Variants in DTNA observed in about 807,000 individuals in gnomAD.
DTNA encodes dystrobrevin alpha.
Under a neutral mutation model 100.7 loss-of-function variants are expected in DTNA, and 43 were observed. That is an observed-to-expected ratio of 0.43 (90% CI 0.33 to 0.55). The LOEUF (loss-of-function observed/expected upper bound fraction) is 0.55. Among genes scored for constraint, DTNA ranks in the 20% least tolerant of loss-of-function variants. The probability of loss-of-function intolerance (pLI) is 0.04; values close to 1 mark genes in which losing one functional copy is unlikely to be tolerated. For missense variants in DTNA, 798 were observed against 953.9 expected, an observed-to-expected ratio of 0.84 and a Z score of 2.15; for synonymous variants, 349 against 347.9, an observed-to-expected ratio of 1.00 and a Z score of -0.04.
chr18:34,679,911 T>G (rs1192761570), intron 1 of DTNA, among the ~76,000 whole-genome samples: 1 of 152,156 alleles, frequency 6.6e-6, no homozygotes, highest in Non-Finnish European at 1.5e-5. Flanking sequence ...GCCATAATAC[T>G]TCATTCTATT....
Position 34,888,809 on chromosome 18 carries a change from C to T in DTNA, c.*1075C>T. On this transcript the variant is annotated 3_prime_UTR_variant, in exon 23 of 23. Transcript: ENST00000444659. ...TTCCCCCATCAAGTTGTTTGGAGGC[C>T]TTCAGCTTTAAATGTACAGGCTTAA... 7 of 985,856 alleles carry T rather than the reference C, an allele frequency of 7.1e-6. No homozygotes were observed. Among genetic ancestry groups the T allele is most frequent in the Non-Finnish European group, 8.4e-6 (7 of 829,950 alleles). 61.1% of individuals were successfully genotyped at this position (985,856 alleles called of 1,614,324 possible). A position where few individuals can be genotyped will look rare whatever the true frequency, so the allele number is the denominator to read the frequency against.
chr18:34,666,304 A>G (rs1200185618), intron 1 of DTNA, among the ~76,000 whole-genome samples: 2 of 150,196 alleles, frequency 1.3e-5, no homozygotes, highest in Non-Finnish European at 3.0e-5. Context: ...TGAGTTCTTT[A>G]TAGATTCTGG....
At chr18:34,508,073 A>G (rs2040672038) in intron 1 of DTNA, among the ~76,000 whole-genome samples, 1 of 152,100 alleles carries the variant, frequency 6.6e-6, no homozygotes, top group South Asian at 2.1e-4. Context: ...TTCTATCCTT[A>G]ACCCAGATCT....
At chr18:34,696,048 A>G (rs2080487290) in intron 1 of DTNA, among the ~76,000 whole-genome samples, 1 of 152,206 alleles carries the variant, frequency 6.6e-6, no homozygotes, top group Non-Finnish European at 1.5e-5. Context: ...TTAACCCATA[A>G]CATAAATAAT....
intron 13 of DTNA, among the ~76,000 whole-genome samples, chr18:34,845,080 G>A (rs556111484): frequency 1.3e-4 from 20 of 152,274 alleles, no homozygotes; most frequent in African/African-American, 4.6e-4. Flanking sequence ...GAAAGTGTTG[G>A]AATTGGTATT....
At chr18:34,537,046 T>G (rs1272135607) in intron 1 of DTNA, among the ~76,000 whole-genome samples, 1 of 151,994 alleles carries the variant, frequency 6.6e-6, no homozygotes, top group Non-Finnish European at 1.5e-5. Context: ...TCTCCTTTGC[T>G]CTCTTGAAGT....
intron 1 of DTNA, among the ~76,000 whole-genome samples, chr18:34,585,781 C>G (rs2049072880): frequency 6.6e-6 from 1 of 152,118 alleles, no homozygotes; most frequent in Non-Finnish European, 1.5e-5. Flanking sequence ...TCATAATGAA[C>G]AGTTAGATGA....
intron 1 of DTNA, among the ~76,000 whole-genome samples, chr18:34,578,847 C>A (rs28505486): frequency 0.1 from 15,424 of 152,068 alleles, 1,129 homozygotes; most frequent in African/African-American, 0.2. Flanking sequence ...TATACCACTA[C>A]CATGCTGTTT....
intron 1 of DTNA, among the ~76,000 whole-genome samples, chr18:34,697,234 A>G (rs1380714991): frequency 6.6e-6 from 1 of 152,188 alleles, no homozygotes; most frequent in Non-Finnish European, 1.5e-5. Flanking sequence ...TTTTCAGATG[A>G]TGAAGTGGAG....
At chr18:34,701,411 A>G (rs531023632) in intron 1 of DTNA, among the ~76,000 whole-genome samples, 42 of 152,254 alleles carry the variant, frequency 2.8e-4, no homozygotes, top group African/African-American at 8.4e-4. Context: ...TTTCAAGTCC[A>G]TAGAAGCACG....
chr18:34,693,931 A>G (rs1417929277), intron 1 of DTNA, among the ~76,000 whole-genome samples: 2 of 152,236 alleles, frequency 1.3e-5, no homozygotes, highest in East Asian at 3.8e-4. Context: ...AACGTAAAAC[A>G]GTGCAATCCT....
intron 1 of DTNA, among the ~76,000 whole-genome samples, chr18:34,640,749 GTT>G (rs2059183854): frequency 6.6e-6 from 1 of 152,188 alleles, no homozygotes; most frequent in Admixed American, 6.5e-5. Flanking sequence ...CCAATTTGAA[GTT>G]TATATTCCTT....
At chr18:34,723,910 AAAAG>A (rs570250365) in intron 1 of DTNA, among the ~76,000 whole-genome samples, 1 of 150,494 alleles carries the variant, frequency 6.6e-6, no homozygotes, top group Non-Finnish European at 1.5e-5. Flanking sequence ...AAAAAAAAAG[AAAAG>A]AAAGAAAGAA....
At chr18:34,503,294 T>C (rs2040133891) in intron 1 of DTNA, among the ~76,000 whole-genome samples, 2 of 138,478 alleles carry the variant, frequency 1.4e-5, no homozygotes, top group Admixed American at 1.5e-4. Context: ...TTTTTTTTTT[T>C]TTTTTTTTTT....
intron 1 of DTNA, among the ~76,000 whole-genome samples, chr18:34,541,549 C>T (rs1182181247): frequency 6.6e-6 from 1 of 152,046 alleles, no homozygotes; most frequent in Non-Finnish European, 1.5e-5. Flanking sequence ...AGATGCTCCT[C>T]ATTTGCCTGC....
intron 1 of DTNA, among the ~76,000 whole-genome samples, chr18:34,572,733 C>G (rs928838492): frequency 6.6e-6 from 1 of 152,150 alleles, no homozygotes; most frequent in South Asian, 2.1e-4. Context: ...GGTTCTCCCC[C>G]ACTTCCATCT....
chr18:34,539,519 G>C (rs1217011815), intron 1 of DTNA, among the ~76,000 whole-genome samples: 14 of 151,938 alleles, frequency 9.2e-5, no homozygotes, highest in Admixed American at 9.2e-4. Flanking sequence ...AAAGTGTCAG[G>C]AATCAGAGGT....
intron 15 of DTNA, among the ~76,000 whole-genome samples, chr18:34,855,929 T>C (rs2096547109): frequency 1.4e-5 from 2 of 147,660 alleles, no homozygotes; most frequent in African/African-American, 5.2e-5. Context: ...CCCAGAGATA[T>C]CTGCCTCCAT....
chr18:34,686,568 A>G (rs1200079953), intron 1 of DTNA, among the ~76,000 whole-genome samples: 4 of 152,124 alleles, frequency 2.6e-5, no homozygotes, highest in Admixed American at 6.6e-5. Flanking sequence ...TTTTGCATCA[A>G]TGTTCATCAG....
Sources: allele counts gnomAD v4.1 joint callset (sites outside exome capture counted in the v4.1 genomes callset), GRCh38; gene constraint gnomAD v4.1.1; transcripts MANE v1.5; gene names NCBI Gene and HGNC (gene_info 2026-07-23, HGNC 2026-07-21).